Variants in AEBP2 observed in about 807,000 individuals in gnomAD.
AEBP2 encodes zinc finger protein AEBP2.
In AEBP2, 10 loss-of-function variants were observed where a neutral mutation model predicts 50.8. That is an observed-to-expected ratio of 0.20 (90% CI 0.12 to 0.33). The LOEUF (loss-of-function observed/expected upper bound fraction) is 0.33. Among genes scored for constraint, AEBP2 ranks in the 10% least tolerant of loss-of-function variants. The pLI is 1.00. For synonymous variants in AEBP2, 296 were observed against 261.3 expected, an observed-to-expected ratio of 1.13 and a Z score of -1.28; for missense variants, 570 against 688.0, an observed-to-expected ratio of 0.83 and a Z score of 1.92.
At chr12:19,454,538 C>G (rs1451155922) in intron 1 of AEBP2, among the ~76,000 whole-genome samples, 2 of 152,088 alleles carry the variant, frequency 1.3e-5, no homozygotes, top group Non-Finnish European at 2.9e-5. Context: ...AGAGCCGTAG[C>G]CTTTTTACTC....
At chr12:19,509,995 G>T (rs1180521264) in intron 5 of AEBP2, among the ~76,000 whole-genome samples, 1 of 151,672 alleles carries the variant, frequency 6.6e-6, no homozygotes, top group East Asian at 1.9e-4. Context: ...ATCACACCTG[G>T]CTAATTTTTA....
chr12:19,502,639 CTGTT>C (rs2120528964), intron 5 of AEBP2, among the ~76,000 whole-genome samples: 1 of 150,654 alleles, frequency 6.6e-6, no homozygotes, highest in African/African-American at 2.4e-5. Context: ...TTTCATTGGT[CTGTT>C]TGTCTATTCT....
chr12:19,417,997 C>G (rs576673258), intron 1 of AEBP2, among the ~76,000 whole-genome samples: 1 of 152,110 alleles, frequency 6.6e-6, no homozygotes, highest in Non-Finnish European at 1.5e-5. Flanking sequence ...GCACTGCGCC[C>G]GGCCTAAGAA....
intron 4 of AEBP2, among the ~76,000 whole-genome samples, chr12:19,494,596 G>C (rs918948412): frequency 3.3e-5 from 5 of 151,032 alleles, no homozygotes; most frequent in Non-Finnish European, 7.4e-5. Context: ...GGACGGGCTG[G>C]TCTCAAACTC....
intron 1 of AEBP2, among the ~76,000 whole-genome samples, chr12:19,408,609 C>A (rs7304081): frequency 0.5 from 76,217 of 151,260 alleles, 19,971 homozygotes; most frequent in Non-Finnish European, 0.6. Context: ...TCGCCTATTT[C>A]AAAAATGCAA....
chr12:19,470,400 A>AC (rs1463841785), intron 2 of AEBP2, among the ~76,000 whole-genome samples: 4 of 151,992 alleles, frequency 2.6e-5, no homozygotes, highest in Admixed American at 6.6e-5. Flanking sequence ...GAAGTGATCC[A>AC]CCCACCTCGG....
chr12:19,461,865 CT>C (rs1009014279), intron 1 of AEBP2, among the ~76,000 whole-genome samples: 6 of 150,854 alleles, frequency 4.0e-5, no homozygotes, highest in African/African-American at 7.3e-5. Flanking sequence ...CATTTTCAGT[CT>C]TTTTTTTTAT....
At chr12:19,456,371 C>T (rs1299810917) in intron 1 of AEBP2, 29 of 1,376,966 alleles carry the variant, frequency 2.1e-5, no homozygotes, top group African/African-American at 2.9e-5. Context: ...CAGCGCGACC[C>T]AGAGGTGGGT....
intron 1 of AEBP2, chr12:19,457,469 C>A: frequency 2.0e-6 from 3 of 1,514,466 alleles, no homozygotes; most frequent in Non-Finnish European, 2.7e-6. Context: ...TCAGTTTATC[C>A]AAGACCCAGG....
intron 1 of AEBP2, among the ~76,000 whole-genome samples, chr12:19,408,378 G>A (rs1438733742): frequency 6.6e-6 from 1 of 151,708 alleles, no homozygotes; most frequent in African/African-American, 2.4e-5. Context: ...CCAACATGGT[G>A]AAACTCTGTC....
intron 4 of AEBP2, among the ~76,000 whole-genome samples, chr12:19,496,663 C>A (rs1013885014): frequency 2.0e-5 from 3 of 147,984 alleles, no homozygotes; most frequent in Non-Finnish European, 4.5e-5. Flanking sequence ...TTTTTTTTAA[C>A]CTTTTTTTTT....
chr12:19,509,200 G>A, intron 5 of AEBP2: 2 of 387,436 alleles, frequency 5.2e-6, no homozygotes, highest in East Asian at 4.8e-5. Context: ...TTATTAAGGA[G>A]TAGAAAATTG....
At chr12:19,512,530 C>A in intron 6 of AEBP2, 65 bp downstream of exon 6, 1 of 1,010,994 alleles carries the variant, frequency 9.9e-7, no homozygotes, top group South Asian at 1.6e-5. Context: ...AAATCTTACA[C>A]ACAAAAATTA....
At chr12:19,443,103 C>T (rs1947992234) in intron 1 of AEBP2, among the ~76,000 whole-genome samples, 2 of 142,740 alleles carry the variant, frequency 1.4e-5, no homozygotes, top group Non-Finnish European at 3.1e-5. Context: ...ATATCTTTTT[C>T]TTTTTTTTTT....
chr12:19,483,969 T>TA (rs1287825694), intron 3 of AEBP2, among the ~76,000 whole-genome samples: 8 of 152,192 alleles, frequency 5.3e-5, no homozygotes, highest in East Asian at 1.9e-4. Context: ...TCAGTAATGT[T>TA]AGAGTGTCTG....
rs761293040 is a variant in AEBP2 at position 19,473,376 on chromosome 12, A to AATTAATTTATTT, written c.987+24_987+25insAATTTATTTATT. On this transcript the variant is annotated intron_variant, in intron 3 of 7. Transcript: ENST00000266508. ...TCAAGGTAAGGATGCATGTATATAA[A>AATTAATTTATTT]ATTTATTTATTTATTTATTTATTTA... The AATTAATTTATTT allele has an allele frequency of 3.3e-3, 583 of 175,544 alleles. 7 individuals carry two copies. In the African/African-American group the frequency reaches 0.039, roughly 12 times the overall value. 10.9% of individuals were successfully genotyped at this position (175,544 alleles called of 1,614,324 possible).
rs1947903396 is a variant in AEBP2 at position 19,439,644 on chromosome 12, T to A, written c.-56T>A. On this transcript the variant is annotated 5_prime_UTR_variant, in exon 1 of 8. Coordinates refer to ENST00000266508, the MANE Select transcript of AEBP2 (RefSeq NM_153207.5). ...TGGGAGGGGGGCGAGGGAGAGAGAG[T>A]CGAGAGAGGGAGGCGGCGGTGGGGA... is the stretch of plus-strand genomic sequence containing the variant. 8.7e-6 allele frequency: 13 copies of A among 1,491,824 alleles called. No individual in the cohort carries two copies. Among genetic ancestry groups the A allele is most frequent in the Non-Finnish European group, 1.2e-5 (13 of 1,127,266 alleles). The allele number at this position is 1,491,824 out of a possible 1,614,324, so 92.4% of individuals were successfully genotyped here. A position where few individuals can be genotyped will look rare whatever the true frequency, so the allele number is the denominator to read the frequency against.
At chr12:19,430,922 C>A (rs112621166) in intron 1 of AEBP2, among the ~76,000 whole-genome samples, 2,050 of 150,596 alleles carry the variant, frequency 0.014, 40 homozygotes, top group African/African-American at 0.048. Context: ...ACTCAGGAGG[C>A]TGGGGCAGAA....
At chr12:19,463,890 T>G (rs1592738373) in intron 2 of AEBP2, among the ~76,000 whole-genome samples, 1 of 152,250 alleles carries the variant, frequency 6.6e-6, no homozygotes, top group East Asian at 1.9e-4. Flanking sequence ...GGTCTCGAAC[T>G]CCTGAACTCA....
Sources: gnomAD v4.1 joint callset for allele counts (sites outside exome capture counted in the v4.1 genomes callset) on GRCh38, gnomAD v4.1.1 for gene constraint, MANE v1.5 for transcripts, NCBI Gene and HGNC (gene_info 2026-07-23, HGNC 2026-07-21) for gene names.